The following CD8B variants were observed in gnomAD, a reference collection of about 807,000 sequenced individuals.
CD8B encodes CD8 subunit beta.
CD8B carries 6 observed loss-of-function variants against 24.2 expected under a neutral mutation model. The ratio of observed to expected loss-of-function variants is 0.25; its 90% CI spans 0.14 to 0.49. The LOEUF (loss-of-function observed/expected upper bound fraction) is 0.49, where lower values mean the gene tolerates loss of function less well. Among genes scored for constraint, CD8B ranks in the 20% least tolerant of loss-of-function variants. CD8B has a pLI of 0.98. For synonymous variants in CD8B, 84 were observed against 108.3 expected, an observed-to-expected ratio of 0.78 and a Z score of 1.39; for missense variants, 196 against 271.3, an observed-to-expected ratio of 0.72 and a Z score of 1.95.
In CD8B at chr2:86,842,089, G is replaced by A; in HGVS notation, c.*218C>T. ...AGCACACTCTGTGAAGTGCCCTGGGGGCAATGAAACCTTCTCCCTAGTATT... is the reference window on the plus strand; with the variant it reads ...AGCACACTCTGTGAAGTGCCCTGGGAGCAATGAAACCTTCTCCCTAGTATT... On this transcript the variant is annotated 3_prime_UTR_variant, in exon 6 of 6. Transcript: ENST00000390655. 7.4e-7 allele frequency: 1 copy of A among 1,349,612 alleles called. No individual in the cohort carries two copies. Among genetic ancestry groups the A allele is most frequent in the East Asian group, 3.0e-5 (1 of 33,226 alleles). 83.6% of individuals were successfully genotyped at this position (1,349,612 alleles called of 1,614,324 possible).
chr2:86,819,385 G>A (rs1674378007), intron 5 of CD8B, among the ~76,000 whole-genome samples: 1 of 152,222 alleles, frequency 6.6e-6, no homozygotes, highest in Admixed American at 6.5e-5. Flanking sequence ...GGCTTCAAAG[G>A]ACAGCCTGCC....
intron 5 of CD8B, among the ~76,000 whole-genome samples, chr2:86,832,449 G>A (rs887449801): frequency 3.3e-5 from 5 of 151,338 alleles, no homozygotes; most frequent in African/African-American, 9.7e-5. Context: ...CTGTACTCCA[G>A]CCTGGGTGAC....
chr2:86,826,181 C>T (rs972291310), intron 5 of CD8B, among the ~76,000 whole-genome samples: 2 of 152,012 alleles, frequency 1.3e-5, no homozygotes, highest in Non-Finnish European at 2.9e-5. Context: ...TATTGTCTTC[C>T]TAGCTCTGCC....
intron 3 of CD8B, among the ~76,000 whole-genome samples, chr2:86,848,241 C>A (rs943347724): frequency 6.6e-6 from 1 of 152,202 alleles, no homozygotes; most frequent in African/African-American, 2.4e-5. Flanking sequence ...CCCCACCCAC[C>A]AATAGTGCAC....
chr2:86,824,485 C>G, intron 5 of CD8B, among the ~76,000 whole-genome samples: 1 of 152,274 alleles, frequency 6.6e-6, no homozygotes, highest in African/African-American at 2.4e-5. Context: ...CAAAGAGCAG[C>G]TAAGGGAATG....
rs191046053 is a variant in CD8B, at chr2:86,848,345, G to A, written c.494-1572C>T. 2.0e-4 allele frequency among the ~76,000 whole-genome samples: 31 copies of A among 152,312 alleles called. No individual in the cohort carries two copies. The East Asian group carries it at 3.9e-3, about 19-fold the overall frequency. ...ACTTAAATTCCCTAATTTCTTATAA[G>A]CTTTGGCCTATTTTCATATATTGGG... On this transcript the variant is annotated intron_variant, in intron 3 of 5. Transcript: ENST00000390655.
intron 5 of CD8B, among the ~76,000 whole-genome samples, chr2:86,844,176 G>A (rs186489328): frequency 1.7e-3 from 256 of 152,000 alleles, no homozygotes; most frequent in Non-Finnish European, 3.2e-3. Context: ...CAAAGGTGGT[G>A]ACTAAATGGC....
intron 5 of CD8B, among the ~76,000 whole-genome samples, chr2:86,842,848 T>C (rs1225878162): frequency 2.6e-5 from 4 of 152,082 alleles, no homozygotes; most frequent in Non-Finnish European, 5.9e-5. Context: ...AGTACGTCTG[T>C]TCAAAATGAA....
intron 5 of CD8B, among the ~76,000 whole-genome samples, chr2:86,823,008 A>T (rs774675755): frequency 1.1e-4 from 16 of 152,196 alleles, no homozygotes; most frequent in Admixed American, 4.6e-4. Context: ...GTCATTTCTA[A>T]GTATACACTC....
At chr2:86,859,345 A>C (rs1676453758) in intron 1 of CD8B, among the ~76,000 whole-genome samples, 1 of 152,150 alleles carries the variant, frequency 6.6e-6, no homozygotes, top group South Asian at 2.1e-4. Flanking sequence ...GGGCTTATTC[A>C]TGAGGAGCTA....
At chr2:86,854,597 G>A (rs1281617698) in intron 2 of CD8B, among the ~76,000 whole-genome samples, 2 of 152,106 alleles carry the variant, frequency 1.3e-5, no homozygotes, top group African/African-American at 4.8e-5. Context: ...CTGAAGTGTT[G>A]GGAGGGGCAG....
chr2:86,825,305 C>T (rs1222057560), intron 5 of CD8B, among the ~76,000 whole-genome samples: 2 of 152,154 alleles, frequency 1.3e-5, no homozygotes, highest in Non-Finnish European at 2.9e-5. Flanking sequence ...CTGACTCCCC[C>T]CTACTGGGGG....
At chr2:86,851,613 G>A (rs369678196) in intron 3 of CD8B, among the ~76,000 whole-genome samples, 11 of 152,224 alleles carry the variant, frequency 7.2e-5, no homozygotes, top group South Asian at 4.1e-4. Context: ...ATTCAGTGCC[G>A]TCCTCAATAA....
chr2:86,832,721 G>C (rs1334159788), intron 5 of CD8B, among the ~76,000 whole-genome samples: 2 of 151,836 alleles, frequency 1.3e-5, no homozygotes, highest in Non-Finnish European at 2.9e-5. Context: ...TCCTTTTTGG[G>C]AATTAGACAA....
intron 5 of CD8B, among the ~76,000 whole-genome samples, chr2:86,830,770 G>A (rs952946435): frequency 6.6e-6 from 1 of 152,034 alleles, no homozygotes; most frequent in African/African-American, 2.4e-5. Context: ...CCGTTTATCA[G>A]CACTCTTATC....
intron 5 of CD8B, among the ~76,000 whole-genome samples, chr2:86,825,150 A>G (rs1674626600): frequency 6.6e-6 from 1 of 152,130 alleles, no homozygotes; most frequent in African/African-American, 2.4e-5. Context: ...TGCCTTGGTA[A>G]GTGAACTTGT....
chr2:86,858,466 G>A (rs1411545323), intron 1 of CD8B, 50 bp from the exon 2 acceptor site: 5 of 1,531,714 alleles, frequency 3.3e-6, no homozygotes, highest in Non-Finnish European at 4.4e-6. Flanking sequence ...AGCCACAGCT[G>A]TGGGACCTTG....
At chr2:86,849,218 C>A (rs574224424) in intron 3 of CD8B, among the ~76,000 whole-genome samples, 2 of 152,330 alleles carry the variant, frequency 1.3e-5, no homozygotes, top group African/African-American at 4.8e-5. Context: ...AGGGAGTGGG[C>A]TGCTACATGG....
Position 86,853,171 on chromosome 2 carries a change from G to A in CD8B, c.404-85C>T, listed in dbSNP as rs1280980369. ...CAAAACTTTGTCTTATGGCGGGTGC[G>A]GTGGCTCATGCCTGGAATCCCAACA... On this transcript the variant is annotated intron_variant, in intron 2 of 5. Transcript: ENST00000390655. 35 of 1,546,108 alleles carry A rather than the reference G, an allele frequency of 2.3e-5. No homozygotes were observed. The Admixed American group carries it at 3.6e-4, about 16-fold the overall frequency.
Sources: gnomAD v4.1 joint callset for allele counts (sites outside exome capture counted in the v4.1 genomes callset) on GRCh38, gnomAD v4.1.1 for gene constraint, MANE v1.5 for transcripts, NCBI Gene and HGNC (gene_info 2026-07-23, HGNC 2026-07-21) for gene names.